CA10: variants seen among roughly 807,000 people sequenced by gnomAD.
The protein encoded by CA10 is carbonic anhydrase-related protein 10.
A neutral mutation model predicts 44.2 loss-of-function variants in CA10; 14 were observed. That is an observed-to-expected ratio of 0.32 (90% CI 0.21 to 0.50). CA10 has a LOEUF of 0.50. Ranked by LOEUF, CA10 falls within the 20% of genes least tolerant of loss-of-function variation. CA10 has a pLI of 0.99. For missense variants in CA10, 350 were observed against 409.7 expected, an observed-to-expected ratio of 0.85 and a Z score of 1.26; for synonymous variants, 159 against 141.6, an observed-to-expected ratio of 1.12 and a Z score of -0.87.
chr17:52,158,108 G>A lies in CA10; in HGVS notation c.-322C>T, dbSNP rs932661576. The A allele has an allele frequency of 2.1e-6, 1 of 465,164 alleles. No individual in the cohort carries two copies. Among genetic ancestry groups the A allele is most frequent in the Non-Finnish European group, 3.9e-6 (1 of 255,522 alleles). The allele number at this position is 465,164 out of a possible 1,614,324, so 28.8% of individuals were successfully genotyped here. ...GGCGGAAACCGCACTAGCAGCGGCG[G>A]CGGCGGCGGCGGCGGCAGCAGCCAC... On this transcript the variant is annotated 5_prime_UTR_variant, in exon 1 of 9. Transcript: ENST00000451037.
intron 1 of CA10, among the ~76,000 whole-genome samples, chr17:52,123,480 T>G (rs1989056749): frequency 6.6e-6 from 1 of 151,938 alleles, no homozygotes; most frequent in Admixed American, 6.6e-5. Flanking sequence ...ACCTCCTATG[T>G]AGGAACCATT....
At chr17:51,709,454 AC>A (rs1380452729) in intron 4 of CA10, among the ~76,000 whole-genome samples, 2 of 152,174 alleles carry the variant, frequency 1.3e-5, no homozygotes, top group African/African-American at 2.4e-5. Context: ...CAATGGGAGG[AC>A]CCAGCCACAT....
chr17:52,072,567 G>A (rs778854583), intron 1 of CA10, among the ~76,000 whole-genome samples, 174 bp from the exon 2 acceptor site: 26 of 149,172 alleles, frequency 1.7e-4, no homozygotes, highest in Non-Finnish European at 3.0e-4. Context: ...ATCATTGATC[G>A]GTAAATATAA....
At chr17:52,033,067 G>A (rs1986515648) in intron 2 of CA10, among the ~76,000 whole-genome samples, 1 of 152,164 alleles carries the variant, frequency 6.6e-6, no homozygotes, top group Admixed American at 6.5e-5. Context: ...TGGATTTGGA[G>A]GAAGGTGGGC....
At chr17:51,924,521 G>A (rs912547177) in intron 3 of CA10, among the ~76,000 whole-genome samples, 12 of 152,280 alleles carry the variant, frequency 7.9e-5, no homozygotes, top group Admixed American at 6.5e-4. Flanking sequence ...GATGTCTTCC[G>A]ATCGTCCATT....
intron 3 of CA10, among the ~76,000 whole-genome samples, chr17:51,817,310 C>T (rs918056859): frequency 4.6e-5 from 7 of 152,182 alleles, no homozygotes; most frequent in African/African-American, 1.4e-4. Flanking sequence ...ATTGTCTGTG[C>T]CTGCTTTCAT....
At chr17:52,074,522 T>C (rs1276380141) in intron 1 of CA10, among the ~76,000 whole-genome samples, 9 of 152,190 alleles carry the variant, frequency 5.9e-5, no homozygotes, top group Admixed American at 2.6e-4. Flanking sequence ...AATCCAGCCT[T>C]CTCTCTTTAT....
At chr17:52,006,767 C>T (rs915820771) in intron 2 of CA10, among the ~76,000 whole-genome samples, 2 of 151,772 alleles carry the variant, frequency 1.3e-5, no homozygotes, top group Non-Finnish European at 2.9e-5. Context: ...TAATATATTC[C>T]TGTATAAATA....
chr17:51,741,263 C>T (rs1275800387), intron 4 of CA10, among the ~76,000 whole-genome samples: 1 of 152,168 alleles, frequency 6.6e-6, no homozygotes, highest in Non-Finnish European at 1.5e-5. Flanking sequence ...TAAATCCCTC[C>T]AGGGTAGCGC....
At chr17:51,669,621 G>A (rs534685254) in intron 4 of CA10, among the ~76,000 whole-genome samples, 4 of 152,188 alleles carry the variant, frequency 2.6e-5, no homozygotes, top group Admixed American at 1.3e-4. Flanking sequence ...TGAAGCCAGC[G>A]AGACCATGAA....
intron 5 of CA10, among the ~76,000 whole-genome samples, chr17:51,649,962 C>G (rs1913495406): frequency 7.9e-6 from 1 of 126,586 alleles, no homozygotes; most frequent in Non-Finnish European, 1.7e-5. Flanking sequence ...ATCAACCAAC[C>G]ATCCATCCAT....
intron 2 of CA10, among the ~76,000 whole-genome samples, chr17:51,992,577 C>A (rs774645771): frequency 3.9e-5 from 6 of 152,106 alleles, no homozygotes; most frequent in Non-Finnish European, 7.4e-5. Flanking sequence ...TAGTTCTTCA[C>A]CAGTTCTCTA....
intron 4 of CA10, among the ~76,000 whole-genome samples, chr17:51,703,698 T>C (rs1204687559): frequency 6.6e-6 from 1 of 152,214 alleles, no homozygotes; most frequent in African/African-American, 2.4e-5. Flanking sequence ...TGGCAAAGGA[T>C]GGGCTCCTGA....
In CA10 at chr17:51,729,433, C is replaced by T. The variant is rs145054406; in HGVS notation, c.465+18200G>A. The stretch of plus-strand genomic sequence containing the variant: ...GCCCCAGTCCCTAGAAGTATTGGCA[C>T]GTGGGTTAGAGGGAAGCCCACTGCA... On this transcript the variant is annotated intron_variant, in intron 4 of 8. Transcript: ENST00000451037. 1.8e-3 allele frequency among the ~76,000 whole-genome samples: 280 copies of T among 152,158 alleles called. 2 individuals are homozygous for T. Among genetic ancestry groups the T allele is most frequent in the Non-Finnish European group, 3.2e-3 (217 of 67,982 alleles).
intron 2 of CA10, among the ~76,000 whole-genome samples, chr17:51,966,062 A>T (rs1984067495): frequency 6.6e-6 from 1 of 151,956 alleles, no homozygotes; most frequent in Non-Finnish European, 1.5e-5. Context: ...TACCATTTCT[A>T]TAGACCAGTA....
chr17:52,147,798 C>T (rs1467670217), intron 1 of CA10, among the ~76,000 whole-genome samples: 4 of 152,166 alleles, frequency 2.6e-5, no homozygotes, highest in Non-Finnish European at 4.4e-5. Flanking sequence ...TGATACTCAC[C>T]GATGTCTCAC....
chr17:51,925,000 G>A (rs952124733), intron 3 of CA10, among the ~76,000 whole-genome samples: 1 of 152,172 alleles, frequency 6.6e-6, no homozygotes, highest in African/African-American at 2.4e-5. Flanking sequence ...GATAACCAAT[G>A]TAGGTCTTCA....
intron 2 of CA10, among the ~76,000 whole-genome samples, chr17:52,042,458 G>T (rs933240458): frequency 1.3e-5 from 2 of 151,624 alleles, no homozygotes; most frequent in Non-Finnish European, 2.9e-5. Flanking sequence ...GTTTGGGTTG[G>T]TTGCTATTGA....
intron 3 of CA10, among the ~76,000 whole-genome samples, chr17:51,916,436 C>T (rs780148721): frequency 1.3e-5 from 2 of 152,180 alleles, no homozygotes; most frequent in East Asian, 3.9e-4. Flanking sequence ...TGTCATGAGA[C>T]GGATCTGGTG....
Sources: gnomAD v4.1 joint callset for allele counts (sites outside exome capture counted in the v4.1 genomes callset) on GRCh38, gnomAD v4.1.1 for gene constraint, MANE v1.5 for transcripts, NCBI Gene and HGNC (gene_info 2026-07-23, HGNC 2026-07-21) for gene names.